Variants in LCN15 observed in about 807,000 individuals in gnomAD.
LCN15 encodes lipocalin-15.
Under a neutral mutation model 23.1 loss-of-function variants are expected in LCN15, and 26 were observed. That is an observed-to-expected ratio of 1.13 (90% CI 0.82 to 1.56). LCN15 has a LOEUF of 1.56. Among genes scored for constraint, LCN15 ranks in the 40% most tolerant of loss-of-function variants. The pLI is 0.00. For synonymous variants in LCN15, 107 were observed against 98.3 expected, an observed-to-expected ratio of 1.09 and a Z score of -0.52; for missense variants, 241 against 239.5, an observed-to-expected ratio of 1.01 and a Z score of -0.04.
Position 136,764,322 on chromosome 9 carries a change from C to A in LCN15, c.96+71G>T, listed in dbSNP as rs1425468516. On this transcript the variant is annotated intron_variant, in intron 1 of 6. Coordinates refer to ENST00000316144, the MANE Select transcript of LCN15 (RefSeq NM_203347.2). ...CAAGCGCCCCAGGAAAGGCAGTTGT[C>A]ACAATTATCACGTTGTCTCTGGCAG... The A allele has an allele frequency of 3.4e-6, 5 of 1,453,792 alleles. No individual in the cohort carries two copies. The Admixed American group carries it at 9.7e-5, about 28-fold the overall frequency. 90.1% of individuals were successfully genotyped at this position (1,453,792 alleles called of 1,614,324 possible). A position where few individuals can be genotyped will look rare whatever the true frequency, so the allele number is the denominator to read the frequency against.
At position 136,763,450 on chromosome 9, in the gene LCN15, C is replaced by A. The variant is rs1012695246; in HGVS notation, c.325G>T (p.Val109Leu). ...FRVPALGYLD[V>L]RIVDTDYSSF... is the part of the protein sequence containing the mutation. ...CTGTAGTCTGTGTCCACGATGCGCA[C>A]GTCCAGGTAGCCCAAGGCTGCGGAG... Residue 109 changes from valine to leucine, a missense_variant, in exon 4 of 7, where the codon GTG becomes TTG. Coordinates refer to ENST00000316144, the MANE Select transcript of LCN15 (RefSeq NM_203347.2). The A allele has an allele frequency of 2.5e-6, 4 of 1,607,954 alleles. No individual in the cohort carries two copies. Among genetic ancestry groups the A allele is most frequent in the Admixed American group, 1.7e-5 (1 of 59,494 alleles).
rs1847318496 is a variant in LCN15 at position 136,761,662 on chromosome 9, C to T, written c.*32+125G>A. ...GGAAGAGGTAATGTCTAAGCTGAGGCCTGAAGCATGGGGTCGCCAGGCAGA... is the reference window on the plus strand; with the variant it reads ...GGAAGAGGTAATGTCTAAGCTGAGGTCTGAAGCATGGGGTCGCCAGGCAGA... On this transcript the variant is annotated intron_variant, in intron 6 of 6. Transcript: ENST00000316144. The surrounding 1 kb of genome is among the most constrained non-coding windows in gnomAD (Gnocchi z 4.2). 2.3e-6 allele frequency: 1 copy of T among 426,358 alleles called. No homozygotes were observed. The highest frequency in any genetic ancestry group is 4.0e-6 in the Non-Finnish European group (1 of 248,936). 26.4% of individuals were successfully genotyped at this position (426,358 alleles called of 1,614,324 possible). A position where few individuals can be genotyped will look rare whatever the true frequency, so the allele number is the denominator to read the frequency against.
At chr9:136,763,217 C>G (rs1847339516) in intron 4 of LCN15, 140 bp downstream of exon 4, 1 of 527,874 alleles carries the variant, frequency 1.9e-6, no homozygotes, top group South Asian at 2.3e-5. Flanking sequence ...GCCTAAAAGG[C>G]GGGGGGCGGA....
chr9:136,762,467 A>C (rs766787794), intron 4 of LCN15, among the ~76,000 whole-genome samples, 178 bp from the exon 5 acceptor site: 29 of 152,138 alleles, frequency 1.9e-4, no homozygotes, highest in Non-Finnish European at 4.1e-4. Flanking sequence ...CCCTTCCCCA[A>C]TTCACACCAA....
intron 6 of LCN15, among the ~76,000 whole-genome samples, chr9:136,760,194 A>G (rs1279999743): frequency 1.3e-5 from 2 of 152,180 alleles, no homozygotes; most frequent in African/African-American, 4.8e-5. Context: ...GGGGCACTCT[A>G]CCCCGAAAGC....
At position 136,763,943 on chromosome 9, in the gene LCN15, G is replaced by T; in HGVS notation, c.163C>A (p.His55Asn). The T allele has an allele frequency of 4.3e-6, 7 of 1,613,550 alleles. No homozygotes were observed. The highest frequency in any genetic ancestry group is 5.9e-6 in the Non-Finnish European group (7 of 1,179,978). Residue 55 changes from histidine to asparagine, a missense_variant, in exon 2 of 7, where the codon CAC becomes AAC. Physicochemically the swap from His to Asn is moderately conservative, Grantham distance 68. Transcript: ENST00000316144. Reference protein sequence around the residue: ...DCRVFLGKKDHLSMSTRAIRP... With the variant: ...DCRVFLGKKDNLSMSTRAIRP... ...ATGGCCCTGGTGGACATGGACAGGTGGTCCTTCTTGCCCAGGAAGACCCTG... is the reference window on the plus strand; with the variant it reads ...ATGGCCCTGGTGGACATGGACAGGTTGTCCTTCTTGCCCAGGAAGACCCTG...
chr9:136,763,627 C>T (rs886256364), intron 3 of LCN15, 86 bp downstream of exon 3: 49 of 1,486,604 alleles, frequency 3.3e-5, no homozygotes, highest in Middle Eastern at 2.3e-4. Context: ...GGATGGACAG[C>T]TTGGGCCCGG....
chr9:136,760,126 T>C (rs1183889756), intron 6 of LCN15, among the ~76,000 whole-genome samples: 1 of 152,172 alleles, frequency 6.6e-6, no homozygotes, highest in Admixed American at 6.5e-5. Flanking sequence ...AGCCCCGGAA[T>C]GTCCATGAAG....
chr9:136,764,001 G>A lies in LCN15; in HGVS notation c.105C>T (p.Gly35=), dbSNP rs1022898525. 10 of 1,612,824 alleles carry A rather than the reference G, an allele frequency of 6.2e-6. No homozygotes were observed. Among genetic ancestry groups the A allele is most frequent in the Non-Finnish European group, 5.1e-6 (6 of 1,179,876 alleles). ...ATGCCATGGAGACCACGTACCAGAGGCCTGAGAACTGCCGGGGGCTTAGTC... is the reference window on the plus strand; with the variant it reads ...ATGCCATGGAGACCACGTACCAGAGACCTGAGAACTGCCGGGGGCTTAGTC... The part of the protein sequence containing the change: ...QPDFNAEKFS[G]LWYVVSMASD... The change falls in exon 2 of 7, where the codon GGC becomes GGT. Residue 35 remains glycine (G), a synonymous_variant. Coordinates refer to ENST00000316144, the MANE Select transcript of LCN15 (RefSeq NM_203347.2).
intron 2 of LCN15, 39 bp from the exon 3 acceptor site, chr9:136,763,822 A>T (rs1425222784): frequency 1.2e-6 from 2 of 1,613,088 alleles, no homozygotes; most frequent in African/African-American, 2.7e-5. Flanking sequence ...GCACCCAGCT[A>T]CCTCAGCTCC....
intron 4 of LCN15, 128 bp from the exon 5 acceptor site, chr9:136,762,417 C>T (rs1159975328): frequency 7.7e-6 from 5 of 651,516 alleles, no homozygotes; most frequent in Non-Finnish European, 1.1e-5. Flanking sequence ...AGGTTGTGCG[C>T]GGCATAAAGC....
At chr9:136,764,104 A>G (rs1847353967) in intron 1 of LCN15, 95 bp from the exon 2 acceptor site, 1 of 1,502,506 alleles carries the variant, frequency 6.7e-7, no homozygotes. Flanking sequence ...TCACACAGCA[A>G]GGGGTCTCGG....
At position 136,763,785 on chromosome 9, in the gene LCN15, TG is replaced by T; in HGVS notation, c.237-3del. 2 of 1,613,400 alleles carry T rather than the reference TG, an allele frequency of 1.2e-6. No individual in the cohort carries two copies. The highest frequency in any genetic ancestry group is 8.5e-7 in the Non-Finnish European group (1 of 1,179,956). On this transcript the variant is annotated splice_region_variant and splice_polypyrimidine_tract_variant and intron_variant, in intron 2 of 6. Coordinates refer to ENST00000316144, the MANE Select transcript of LCN15 (RefSeq NM_203347.2). Reference sequence around the variant, plus strand: ...TCCACCTGGTTACAGCCGTCCGCCCTGGGGGTGCACAGCCGGCTCACTCATG... The same window carrying T: ...TCCACCTGGTTACAGCCGTCCGCCCTGGGGTGCACAGCCGGCTCACTCATG...
intron 1 of LCN15, 136 bp downstream of exon 1, chr9:136,764,257 G>A (rs1439156688): frequency 9.7e-5 from 87 of 900,788 alleles, no homozygotes; most frequent in South Asian, 9.1e-4. Flanking sequence ...AGGATTAAGC[G>A]CAGAGTGGGT....
intron 4 of LCN15, among the ~76,000 whole-genome samples, chr9:136,762,779 C>T (rs1029903958): frequency 3.9e-5 from 6 of 151,966 alleles, no homozygotes; most frequent in Admixed American, 2.6e-4. Context: ...AATACAAATA[C>T]GGGCATGGTG....
In LCN15 at chr9:136,761,510, C is replaced by T. The variant is rs937097170; in HGVS notation, c.*32+277G>A. 1.3e-5 allele frequency among the ~76,000 whole-genome samples: 2 copies of T among 152,194 alleles called. No individual in the cohort carries two copies. The highest frequency in any genetic ancestry group is 6.5e-5 in the Admixed American group (1 of 15,280). On this transcript the variant is annotated intron_variant, in intron 6 of 6. Transcript: ENST00000316144. The surrounding 1 kb of genome is among the most constrained non-coding windows in gnomAD (Gnocchi z 4.2). Reference sequence around the variant, plus strand: ...TCCCAACCTCAGGTGACCCGCCTGCCTCGGCCTCCCAAAGTGCTGGGATGA... The same window carrying T: ...TCCCAACCTCAGGTGACCCGCCTGCTTCGGCCTCCCAAAGTGCTGGGATGA...
intron 2 of LCN15, 35 bp downstream of exon 2, chr9:136,763,835 A>T: frequency 6.2e-7 from 1 of 1,613,102 alleles, no homozygotes; most frequent in Non-Finnish European, 8.5e-7. Context: ...TCAGCTCCCC[A>T]GCCCAGCCCA....
intron 6 of LCN15, 36 bp from the exon 7 acceptor site, chr9:136,759,819 T>C (rs1034872680): frequency 6.6e-6 from 1 of 152,206 alleles, no homozygotes; most frequent in Non-Finnish European, 1.5e-5. Flanking sequence ...CATCACCCAC[T>C]CCCGCGACAA....
At chr9:136,760,874 C>T (rs1429291902) in intron 6 of LCN15, among the ~76,000 whole-genome samples, 2 of 152,206 alleles carry the variant, frequency 1.3e-5, no homozygotes, top group African/African-American at 2.4e-5. Context: ...AACCTCCGAA[C>T]GTGGCCTTAT....
Sources: gnomAD v4.1 joint callset for allele counts (sites outside exome capture counted in the v4.1 genomes callset) on GRCh38, gnomAD v4.1.1 for gene constraint, Gnocchi (gnomAD v3.1) non-coding constraint, MANE v1.5 for transcripts, NCBI Gene and HGNC (gene_info 2026-07-23, HGNC 2026-07-21) for gene names.